Variants in WWOX observed in about 807,000 individuals in gnomAD.
WWOX encodes WW domain-containing oxidoreductase.
Under a neutral mutation model 46.2 loss-of-function variants are expected in WWOX, and 69 were observed. That is an observed-to-expected ratio of 1.49 (90% confidence interval 1.23 to 1.82). The LOEUF (loss-of-function observed/expected upper bound fraction) is 1.82, where lower values mean the gene tolerates loss of function less well. WWOX is among the 40% of genes most tolerant of loss of function. WWOX has a pLI of 0.00. For synonymous variants in WWOX, 359 were observed against 202.6 expected, an observed-to-expected ratio of 1.77 and a Z score of -6.56; for missense variants, 919 against 542.6, an observed-to-expected ratio of 1.69 and a Z score of -6.89.
chr16:78,866,971 A>G lies in WWOX; in HGVS notation c.1057-344637A>G, dbSNP rs370773748. 3.3e-4 allele frequency among the ~76,000 whole-genome samples: 51 copies of G among 152,336 alleles called. 1 individual carries two copies. The South Asian group carries it at 0.01, about 30-fold the overall frequency. The stretch of plus-strand genomic sequence containing the variant: ...CACCAGCTGCATAAATATGATAGCC[A>G]AAGGGTTTCAAATTTGTGATTTGTC... On this transcript the variant is annotated intron_variant, in intron 8 of 8. Transcript: ENST00000566780.
intron 8 of WWOX, among the ~76,000 whole-genome samples, chr16:79,114,707 A>G (rs1014810185): frequency 5.9e-5 from 9 of 152,162 alleles, no homozygotes; most frequent in Non-Finnish European, 1.0e-4. Context: ...TGGCAGCCCC[A>G]GGAAAGGAAC....
At chr16:78,591,072 G>C (rs1057378208) in intron 8 of WWOX, among the ~76,000 whole-genome samples, 3 of 152,174 alleles carry the variant, frequency 2.0e-5, no homozygotes, top group Non-Finnish European at 2.9e-5. Flanking sequence ...GAAGTCAGGT[G>C]GTGAGAGGTG....
At chr16:78,710,674 G>C (rs932942259) in intron 8 of WWOX, among the ~76,000 whole-genome samples, 1 of 150,676 alleles carries the variant, frequency 6.6e-6, no homozygotes, top group East Asian at 2.0e-4. Context: ...GAGTGCAGTG[G>C]CGTGATCATG....
At chr16:78,380,220 G>C (rs532258483) in intron 5 of WWOX, among the ~76,000 whole-genome samples, 32 of 152,274 alleles carry the variant, frequency 2.1e-4, no homozygotes, top group Admixed American at 5.9e-4. Flanking sequence ...CTTCTAAGGG[G>C]CAAGGAGGGT....
chr16:78,410,689 C>A (rs991769692), intron 6 of WWOX, among the ~76,000 whole-genome samples: 2 of 151,086 alleles, frequency 1.3e-5, no homozygotes, highest in East Asian at 2.0e-4. Flanking sequence ...GCATGTAATC[C>A]CAGTTAGTTG....
At chr16:79,211,032 GGA>G (rs1555547719) in intron 8 of WWOX, among the ~76,000 whole-genome samples, 1 of 30,442 alleles carries the variant, frequency 3.3e-5, no homozygotes, top group African/African-American at 1.2e-4. Flanking sequence ...TGTATGGTGA[GGA>G]GTGTGTGTGT....
intron 5 of WWOX, chr16:78,278,653 C>T (rs770004613): frequency 2.5e-6 from 4 of 1,610,114 alleles, no homozygotes; most frequent in South Asian, 1.1e-5. Flanking sequence ...AAATTTTCCA[C>T]TAGCAAAAGA....
intron 8 of WWOX, among the ~76,000 whole-genome samples, chr16:79,109,727 T>C (rs539699449): frequency 6.6e-6 from 1 of 152,312 alleles, no homozygotes; most frequent in Admixed American, 6.5e-5. Context: ...CCTTGCTTTT[T>C]CACCAAGAAT....
chr16:78,728,901 A>G (rs1351146803), intron 8 of WWOX, among the ~76,000 whole-genome samples: 1 of 152,198 alleles, frequency 6.6e-6, no homozygotes, highest in Non-Finnish European at 1.5e-5. Flanking sequence ...CTATGCATAG[A>G]TCACCTAATT....
At chr16:79,022,445 A>G (rs555240108) in intron 8 of WWOX, among the ~76,000 whole-genome samples, 27 of 150,152 alleles carry the variant, frequency 1.8e-4, no homozygotes, top group Admixed American at 5.3e-4. Context: ...AAAGCTGTCT[A>G]CTTTACATTT....
chr16:78,154,150 A>G (rs2034515859), intron 4 of WWOX, among the ~76,000 whole-genome samples: 1 of 152,126 alleles, frequency 6.6e-6, no homozygotes, highest in Admixed American at 6.5e-5. Context: ...TTGGACACCT[A>G]GACTTAGGCA....
chr16:78,571,200 A>G (rs1693091231), intron 8 of WWOX, among the ~76,000 whole-genome samples: 1 of 152,210 alleles, frequency 6.6e-6, no homozygotes, highest in African/African-American at 2.4e-5. Context: ...AATAATGCAG[A>G]CAGCCTTTGC....
intron 8 of WWOX, among the ~76,000 whole-genome samples, chr16:78,734,134 C>T (rs2049029656): frequency 6.6e-6 from 1 of 151,712 alleles, no homozygotes; most frequent in African/African-American, 2.4e-5. Flanking sequence ...AAAATGAAAA[C>T]TAAAGCAAAA....
chr16:78,238,609 G>A (rs774041004), intron 5 of WWOX, among the ~76,000 whole-genome samples: 1 of 151,826 alleles, frequency 6.6e-6, no homozygotes, highest in Non-Finnish European at 1.5e-5. Context: ...TGCAGTATAT[G>A]TGCTAAATTA....
chr16:78,617,225 A>C (rs1482843985), intron 8 of WWOX, among the ~76,000 whole-genome samples: 1 of 152,046 alleles, frequency 6.6e-6, no homozygotes, highest in African/African-American at 2.4e-5. Context: ...CAGCCTGGGC[A>C]ACACGGTGAA....
intron 8 of WWOX, among the ~76,000 whole-genome samples, chr16:79,051,588 C>T (rs909888697): frequency 5.9e-5 from 9 of 152,142 alleles, no homozygotes; most frequent in East Asian, 1.9e-4. Context: ...TGGGAGGGAG[C>T]GTCAACATTA....
intron 8 of WWOX, among the ~76,000 whole-genome samples, chr16:78,609,421 T>A (rs908542108): frequency 6.6e-6 from 1 of 152,134 alleles, no homozygotes; most frequent in Non-Finnish European, 1.5e-5. Flanking sequence ...GAATCTTGCT[T>A]TTAAAGCGAT....
At chr16:78,430,665 C>G (rs2083195995) in intron 7 of WWOX, among the ~76,000 whole-genome samples, 1 of 152,070 alleles carries the variant, frequency 6.6e-6, no homozygotes. Flanking sequence ...CAGACTCTTC[C>G]TGTGGTTTGG....
At chr16:78,397,617 A>C (rs1597162774) in intron 6 of WWOX, among the ~76,000 whole-genome samples, 1 of 152,224 alleles carries the variant, frequency 6.6e-6, no homozygotes, top group African/African-American at 2.4e-5. Flanking sequence ...CCATGTAAAA[A>C]ACATTGTTTC....
Sources: gnomAD v4.1 joint callset for allele counts (sites outside exome capture counted in the v4.1 genomes callset) on GRCh38, gnomAD v4.1.1 for gene constraint, MANE v1.5 for transcripts, NCBI Gene and HGNC (gene_info 2026-07-23, HGNC 2026-07-21) for gene names.